PLEKHA7: variants seen among roughly 807,000 people sequenced by gnomAD.
PLEKHA7 encodes the protein pleckstrin homology domain containing A7.
A neutral mutation model predicts 170.0 loss-of-function variants in PLEKHA7; 104 were observed. The observed-to-expected ratio is 0.61, with a 90% CI of 0.52 to 0.72. The LOEUF (loss-of-function observed/expected upper bound fraction) is 0.72, where lower values mean the gene tolerates loss of function less well. Among genes scored for constraint, PLEKHA7 ranks in the 30% least tolerant of loss-of-function variants. The probability of loss-of-function intolerance (pLI) is 0.00; values close to 1 mark genes in which losing one functional copy is unlikely to be tolerated. For missense variants in PLEKHA7, 1,615 were observed against 1,671.7 expected (o/e 0.97, Z 0.59); for synonymous variants, 648 against 660.8 (o/e 0.98, Z 0.30).
chr11:16,850,299 T>C (rs375102131), intron 8 of PLEKHA7, among the ~76,000 whole-genome samples: 2 of 152,208 alleles, frequency 1.3e-5, no homozygotes, highest in East Asian at 3.9e-4. Context: ...CTACTCCAGC[T>C]TGACGTGTAC....
At chr11:16,795,560 G>A (rs1281584996) in intron 17 of PLEKHA7, among the ~76,000 whole-genome samples, 5 of 152,084 alleles carry the variant, frequency 3.3e-5, no homozygotes, top group African/African-American at 1.2e-4. Context: ...GGGAGGCCAA[G>A]GAGGTAAACA....
intron 4 of PLEKHA7, among the ~76,000 whole-genome samples, chr11:16,865,478 C>T (rs1366239685): frequency 6.6e-6 from 1 of 152,142 alleles, no homozygotes; most frequent in African/African-American, 2.4e-5. Context: ...AATCCCAGCG[C>T]TTTGGGAGGC....
At chr11:16,950,754 C>T (rs7111470) in intron 3 of PLEKHA7, among the ~76,000 whole-genome samples, 135,791 of 152,244 alleles carry the variant, frequency 0.89, 60,603 homozygotes, top group African/African-American at 0.93. Context: ...CTGCATGGAA[C>T]AGCTTTTTCC....
chr11:17,013,725 G>T (rs1865467126), intron 3 of PLEKHA7, among the ~76,000 whole-genome samples: 1 of 152,214 alleles, frequency 6.6e-6, no homozygotes, highest in Admixed American at 6.5e-5. Context: ...CCCGAATCCA[G>T]CCGGATTGCA....
At chr11:16,794,370 T>C in intron 19 of PLEKHA7, 118 bp downstream of exon 19, 1 of 985,910 alleles carries the variant, frequency 1.0e-6, no homozygotes, top group South Asian at 1.3e-5. Context: ...AAGGACTCCT[T>C]TAGGACGCTG....
chr11:16,975,486 G>A (rs1863003863), intron 3 of PLEKHA7, among the ~76,000 whole-genome samples: 1 of 152,102 alleles, frequency 6.6e-6, no homozygotes, highest in African/African-American at 2.4e-5. Flanking sequence ...TACACAGTCA[G>A]CTCTCCATAT....
intron 3 of PLEKHA7, among the ~76,000 whole-genome samples, chr11:16,884,962 G>T (rs1051373041): frequency 1.3e-5 from 2 of 152,196 alleles, no homozygotes; most frequent in African/African-American, 4.8e-5. Flanking sequence ...CTCTGTAGAC[G>T]TCTGAGTTTG....
chr11:17,002,989 C>CTTTTTTTTTT lies in PLEKHA7; in HGVS notation c.221+10990_221+10999dup, dbSNP rs568718448. On this transcript the variant is annotated intron_variant, in intron 3 of 26. Coordinates refer to ENST00000531066, the MANE Select transcript of PLEKHA7 (RefSeq NM_001329630.2). ...CCTTTAAGTACCAGAATAGTTGTGC[C>CTTTTTTTTTT]TTTTTTTTTTTTTTTTTTTTGTGAT... 5.3e-5 allele frequency among the ~76,000 whole-genome samples: 6 copies of CTTTTTTTTTT among 113,018 alleles called. 2 individuals are homozygous for CTTTTTTTTTT. Among genetic ancestry groups the CTTTTTTTTTT allele is most frequent in the Admixed American group, 9.7e-5 (1 of 10,274 alleles). The allele number at this position is 113,018 out of a possible 152,430, so 74.1% of individuals were successfully genotyped here.
At chr11:16,923,065 C>T (rs1308105698) in intron 3 of PLEKHA7, among the ~76,000 whole-genome samples, 1 of 152,168 alleles carries the variant, frequency 6.6e-6, no homozygotes, top group Non-Finnish European at 1.5e-5. Context: ...CTCACTTTCC[C>T]CCTAACCTAT....
chr11:16,798,376 CCTAT>C lies in PLEKHA7; in HGVS notation c.2409+2594_2409+2597del, dbSNP rs1222877159. Reference sequence around the variant, plus strand: ...AATCAAGATGCAGGCTCCAGGCTGGCCTATCTGAGAGTAAGTCATGGGGCTGAGT... The same window carrying C: ...AATCAAGATGCAGGCTCCAGGCTGGCCTGAGAGTAAGTCATGGGGCTGAGT... On this transcript the variant is annotated intron_variant, in intron 17 of 26. Coordinates refer to ENST00000531066, the MANE Select transcript of PLEKHA7 (RefSeq NM_001329630.2). Among the ~76,000 whole-genome samples the C allele has an allele frequency of 2.6e-5, 4 of 152,130 alleles. No individual in the cohort carries two copies. The East Asian group carries it at 5.8e-4, about 22-fold the overall frequency.
intron 12 of PLEKHA7, among the ~76,000 whole-genome samples, chr11:16,815,734 T>C (rs1849701689): frequency 6.6e-6 from 1 of 151,798 alleles, no homozygotes; most frequent in Non-Finnish European, 1.5e-5. Context: ...TAGGCTGGTC[T>C]TGAACTCCTG....
chr11:16,986,978 CCA>C (rs1863765212), intron 3 of PLEKHA7, among the ~76,000 whole-genome samples: 1 of 152,198 alleles, frequency 6.6e-6, no homozygotes, highest in Non-Finnish European at 1.5e-5. Context: ...CATTCTCCAG[CCA>C]GTCTTACTGC....
chr11:16,965,766 A>G (rs1478417948), intron 3 of PLEKHA7, among the ~76,000 whole-genome samples: 2 of 152,208 alleles, frequency 1.3e-5, no homozygotes, highest in African/African-American at 4.8e-5. Flanking sequence ...CTTCCCATCT[A>G]TGAAATGGCA....
intron 3 of PLEKHA7, among the ~76,000 whole-genome samples, chr11:16,899,402 A>T (rs1314831139): frequency 1.3e-5 from 2 of 152,192 alleles, no homozygotes; most frequent in African/African-American, 4.8e-5. Context: ...GAGGCTGAGG[A>T]AGGAGAATCG....
At chr11:17,009,283 C>T (rs1223407651) in intron 3 of PLEKHA7, among the ~76,000 whole-genome samples, 1 of 152,138 alleles carries the variant, frequency 6.6e-6, no homozygotes, top group Non-Finnish European at 1.5e-5. Flanking sequence ...GATTCTTCCC[C>T]TCCTGCCTCC....
intron 17 of PLEKHA7, among the ~76,000 whole-genome samples, chr11:16,799,732 AGAG>A (rs1848463767): frequency 1.3e-5 from 2 of 152,218 alleles, no homozygotes; most frequent in African/African-American, 4.8e-5. Context: ...GCTACAAAAA[AGAG>A]TAGTGAAATG....
intron 8 of PLEKHA7, among the ~76,000 whole-genome samples, chr11:16,843,831 G>A (rs1192078360): frequency 6.6e-6 from 1 of 152,122 alleles, no homozygotes; most frequent in Non-Finnish European, 1.5e-5. Context: ...CAGCTACTCG[G>A]GAGGCTGAGG....
chr11:16,822,037 C>T (rs1395798740), intron 10 of PLEKHA7, among the ~76,000 whole-genome samples: 2 of 151,570 alleles, frequency 1.3e-5, no homozygotes, highest in Non-Finnish European at 3.0e-5. Context: ...TATGCCCTCC[C>T]CACCCACCTC....
At chr11:16,907,529 C>A (rs1160763186) in intron 3 of PLEKHA7, among the ~76,000 whole-genome samples, 3 of 114,692 alleles carry the variant, frequency 2.6e-5, no homozygotes, top group Non-Finnish European at 5.8e-5. Flanking sequence ...GTCAGCCCCC[C>A]GCCCAGCCAG....
Sources: gnomAD v4.1 joint callset for allele counts (sites outside exome capture counted in the v4.1 genomes callset) on GRCh38, gnomAD v4.1.1 for gene constraint, MANE v1.5 for transcripts, NCBI Gene and HGNC (gene_info 2026-07-23, HGNC 2026-07-21) for gene names.